The following GRIN2B variants were observed in gnomAD, a reference collection of about 807,000 sequenced individuals.
The protein encoded by GRIN2B is glutamate receptor ionotropic, NMDA 2B.
Under a neutral mutation model 114.5 loss-of-function variants are expected in GRIN2B, and 5 were observed. The observed-to-expected ratio is 0.04, with a 90% CI of 0.02 to 0.09. GRIN2B has a LOEUF of 0.09. Among genes scored for constraint, GRIN2B ranks in the 10% least tolerant of loss-of-function variants. The pLI is 1.00. For missense variants in GRIN2B, 1,108 were observed against 1,943.5 expected (o/e 0.57, Z 8.08); for synonymous variants, 787 against 745.1 (o/e 1.06, Z -0.92).
chr12:13,716,980 T>C (rs1950460756), intron 4 of GRIN2B, among the ~76,000 whole-genome samples: 1 of 151,646 alleles, frequency 6.6e-6, no homozygotes, highest in Non-Finnish European at 1.5e-5. Flanking sequence ...ATAAGAACGG[T>C]CAGTTCTCAA....
chr12:13,845,451 G>C (rs1431166692), intron 3 of GRIN2B, among the ~76,000 whole-genome samples: 2 of 152,260 alleles, frequency 1.3e-5, no homozygotes, highest in Admixed American at 6.5e-5. Context: ...AGAAGAGATA[G>C]CAATTCATTA....
At chr12:13,592,963 T>C (rs372410866) in intron 10 of GRIN2B, among the ~76,000 whole-genome samples, 8 of 152,326 alleles carry the variant, frequency 5.3e-5, no homozygotes, top group African/African-American at 1.9e-4. Context: ...GTAGTGGTCA[T>C]GAAGGCCACT....
chr12:13,601,062 A>G (rs1949150960), intron 10 of GRIN2B, among the ~76,000 whole-genome samples: 1 of 152,220 alleles, frequency 6.6e-6, no homozygotes, highest in Non-Finnish European at 1.5e-5. Context: ...GAGACTGACA[A>G]TGCAAATCGG....
At chr12:13,853,492 T>C (rs1865607315) in intron 3 of GRIN2B, among the ~76,000 whole-genome samples, 1 of 152,246 alleles carries the variant, frequency 6.6e-6, no homozygotes, top group African/African-American at 2.4e-5. Context: ...CTCACTCTTT[T>C]GAAAGAGCGC....
chr12:13,651,828 CG>C (rs1949816257), intron 5 of GRIN2B, among the ~76,000 whole-genome samples: 1 of 152,056 alleles, frequency 6.6e-6, no homozygotes, highest in Middle Eastern at 3.2e-3. Flanking sequence ...TTGATATTTG[CG>C]TAATCCTGAA....
intron 9 of GRIN2B, among the ~76,000 whole-genome samples, chr12:13,609,528 C>T (rs1470008875): frequency 6.6e-6 from 1 of 152,108 alleles, no homozygotes; most frequent in African/African-American, 2.4e-5. Flanking sequence ...AATCCCAGCA[C>T]TTTGGGAGGC....
At chr12:13,864,860 G>A (rs1865801868) in intron 3 of GRIN2B, among the ~76,000 whole-genome samples, 1 of 152,120 alleles carries the variant, frequency 6.6e-6, no homozygotes, top group African/African-American at 2.4e-5. Context: ...CCGAAGCCCA[G>A]GCCAATAATC....
rs1292177567 is a variant in GRIN2B at position 13,557,647 on chromosome 12, G to A, written c.*5136C>T. Reference sequence around the variant, plus strand: ...TGTATTGAAAATAATTCCTAACCAGGAGTCCTATTTAGGTGTCAAATGAGG... The same window carrying A: ...TGTATTGAAAATAATTCCTAACCAGAAGTCCTATTTAGGTGTCAAATGAGG... On this transcript the variant is annotated 3_prime_UTR_variant, in exon 14 of 14. Transcript: ENST00000609686. 2 of 152,112 alleles carry A rather than the reference G, an allele frequency of 1.3e-5. No homozygotes were observed. Among genetic ancestry groups the A allele is most frequent in the Non-Finnish European group, 2.9e-5 (2 of 68,020 alleles). The allele number at this position is 152,112 out of a possible 1,614,324, so 9.4% of individuals were successfully genotyped here. A position where few individuals can be genotyped will look rare whatever the true frequency, so the allele number is the denominator to read the frequency against.
At chr12:13,945,351 A>AC (rs1443589979) in intron 2 of GRIN2B, among the ~76,000 whole-genome samples, 1 of 151,916 alleles carries the variant, frequency 6.6e-6, no homozygotes, top group African/African-American at 2.4e-5. Flanking sequence ...ACTAACCTAC[A>AC]CCTCCTTCTG....
At chr12:13,793,420 C>CAAA (rs112983172) in intron 3 of GRIN2B, among the ~76,000 whole-genome samples, 24 of 147,656 alleles carry the variant, frequency 1.6e-4, no homozygotes, top group Non-Finnish European at 2.4e-4. Context: ...GACTCTGTCT[C>CAAA]AAAAAAAAAA....
At chr12:13,864,107 G>A (rs1454586010) in intron 3 of GRIN2B, among the ~76,000 whole-genome samples, 1 of 152,122 alleles carries the variant, frequency 6.6e-6, no homozygotes. Context: ...TGGGCTATTT[G>A]TGCTAGTGCC....
rs150708530 is a variant in GRIN2B at position 13,972,141 on chromosome 12, C to G, written c.-19+7787G>C. Among the ~76,000 whole-genome samples the G allele has an allele frequency of 7.6e-3, 1,152 of 152,284 alleles. 26 individuals are homozygous for G. The highest frequency in any genetic ancestry group is 0.027 in the African/African-American group (1,109 of 41,544). ...AGGGAAGTTTTTTAAATGACCATCGCCTGAATCCCTCCCTGAGAGATTTCA... is the reference window on the plus strand; with the variant it reads ...AGGGAAGTTTTTTAAATGACCATCGGCTGAATCCCTCCCTGAGAGATTTCA... On this transcript the variant is annotated intron_variant, in intron 2 of 13. Coordinates refer to ENST00000609686, the MANE Select transcript of GRIN2B (RefSeq NM_000834.5).
intron 10 of GRIN2B, among the ~76,000 whole-genome samples, chr12:13,599,525 T>A (rs1565469786): frequency 6.6e-6 from 1 of 152,232 alleles, no homozygotes; most frequent in Non-Finnish European, 1.5e-5. Context: ...CGAACTTAGT[T>A]GTTCAGAAGT....
intron 3 of GRIN2B, among the ~76,000 whole-genome samples, chr12:13,773,743 C>G (rs1863950716): frequency 6.6e-6 from 1 of 152,056 alleles, no homozygotes; most frequent in Non-Finnish European, 1.5e-5. Context: ...AGACCATGGA[C>G]AGCAAAGAAA....
chr12:13,547,885 C>A lies in GRIN2B; in HGVS notation c.*14898G>T, dbSNP rs1163735429. 1 of 150,142 alleles carries A rather than the reference C, an allele frequency of 6.7e-6. No homozygotes were observed. The highest frequency in any genetic ancestry group is 1.5e-5 in the Non-Finnish European group (1 of 67,684). The allele number at this position is 150,142 out of a possible 1,614,324, so 9.3% of individuals were successfully genotyped here. On this transcript the variant is annotated 3_prime_UTR_variant, in exon 14 of 14. Coordinates refer to ENST00000609686, the MANE Select transcript of GRIN2B (RefSeq NM_000834.5). ...TCCTTGCCCATCTTCTAACTTCCAC[C>A]CAGATATCTGGCTTCTGTCAATAGG...
At position 13,548,579 on chromosome 12, in the gene GRIN2B, C is replaced by G. The variant is rs1948374339; in HGVS notation, c.*14204G>C. The G allele has an allele frequency of 6.6e-6, 1 of 151,622 alleles. No homozygotes were observed. 9.4% of individuals were successfully genotyped at this position (151,622 alleles called of 1,614,324 possible). On this transcript the variant is annotated 3_prime_UTR_variant, in exon 14 of 14. Coordinates refer to ENST00000609686, the MANE Select transcript of GRIN2B (RefSeq NM_000834.5). ...ACTCATCAGCTGTTGGCCCTGTGAC[C>G]TGTTTTTCAGGATCATCATGATCCA...
chr12:13,626,856 T>G (rs1163018863), intron 5 of GRIN2B, among the ~76,000 whole-genome samples: 3 of 104,340 alleles, frequency 2.9e-5, no homozygotes, highest in Non-Finnish European at 5.5e-5. Flanking sequence ...GCTCTTTATC[T>G]CCTCCTCTTG....
intron 2 of GRIN2B, among the ~76,000 whole-genome samples, chr12:13,893,482 T>C (rs1329499392): frequency 6.6e-6 from 1 of 151,924 alleles, no homozygotes; most frequent in Non-Finnish European, 1.5e-5. Context: ...CATACAAAAG[T>C]AGGAAGAAAT....
At chr12:13,870,006 T>C (rs1034856504) in intron 2 of GRIN2B, among the ~76,000 whole-genome samples, 2 of 152,220 alleles carry the variant, frequency 1.3e-5, no homozygotes, top group African/African-American at 2.4e-5. Context: ...TAAGCTTCTA[T>C]AGAAGCTGTT....
Sources: allele counts gnomAD v4.1 joint callset (sites outside exome capture counted in the v4.1 genomes callset), GRCh38; gene constraint gnomAD v4.1.1; transcripts MANE v1.5; gene names NCBI Gene and HGNC (gene_info 2026-07-23, HGNC 2026-07-21).